GRID2: variants seen among roughly 807,000 people sequenced by gnomAD.
GRID2 encodes the protein glutamate receptor ionotropic, delta-2.
GRID2 carries 33 observed loss-of-function variants against 114.8 expected under a neutral mutation model. That is an observed-to-expected ratio of 0.29 (90% CI 0.22 to 0.38). GRID2 has a LOEUF of 0.38. Among genes scored for constraint, GRID2 ranks in the 10% least tolerant of loss-of-function variants. GRID2 has a pLI of 1.00. For synonymous variants in GRID2, 505 were observed against 449.9 expected (o/e 1.12, Z -1.55); for missense variants, 1,184 against 1,257.7 (o/e 0.94, Z 0.89).
At chr4:93,227,984 G>T (rs2149496459) in intron 7 of GRID2, among the ~76,000 whole-genome samples, 1 of 152,228 alleles carries the variant, frequency 6.6e-6, no homozygotes, top group South Asian at 2.1e-4. Context: ...CACTAGAATT[G>T]TTCTTAAAGC....
chr4:93,285,798 T>A (rs1753093764), intron 8 of GRID2, among the ~76,000 whole-genome samples: 1 of 152,024 alleles, frequency 6.6e-6, no homozygotes, highest in South Asian at 2.1e-4. Flanking sequence ...ATGGTAATAG[T>A]ATAATTATTT....
At chr4:92,656,035 G>A (rs987304488) in intron 2 of GRID2, among the ~76,000 whole-genome samples, 1 of 151,538 alleles carries the variant, frequency 6.6e-6, no homozygotes, top group Admixed American at 6.6e-5. Flanking sequence ...TTTGAGATGT[G>A]GTCCTTCTAT....
chr4:92,874,139 T>G (rs1745466898), intron 2 of GRID2, among the ~76,000 whole-genome samples: 1 of 152,142 alleles, frequency 6.6e-6, no homozygotes, highest in African/African-American at 2.4e-5. Context: ...CCCTCAACCT[T>G]TGAATATCCA....
At chr4:92,595,638 T>C (rs1047373515) in intron 2 of GRID2, among the ~76,000 whole-genome samples, 1 of 152,224 alleles carries the variant, frequency 6.6e-6, no homozygotes, top group Admixed American at 6.6e-5. Flanking sequence ...TAATTTCCAG[T>C]ATATGATTAT....
chr4:92,447,966 A>C (rs1733557817), intron 1 of GRID2, among the ~76,000 whole-genome samples: 1 of 152,194 alleles, frequency 6.6e-6, no homozygotes, highest in South Asian at 2.1e-4. Context: ...GAAGTGCTTT[A>C]AACAAATAAA....
chr4:92,447,893 A>G (rs1229901182), intron 1 of GRID2, among the ~76,000 whole-genome samples: 1 of 152,208 alleles, frequency 6.6e-6, no homozygotes, highest in Non-Finnish European at 1.5e-5. Flanking sequence ...AGAATTTCAA[A>G]GCAGAAATTT....
chr4:93,282,657 T>C (rs1752766783), intron 8 of GRID2, among the ~76,000 whole-genome samples: 1 of 152,032 alleles, frequency 6.6e-6, no homozygotes, highest in Non-Finnish European at 1.5e-5. Context: ...TTCCAACACA[T>C]GAGCTTTTGG....
At chr4:92,585,711 A>T (rs1728402223) in intron 1 of GRID2, among the ~76,000 whole-genome samples, 1 of 151,726 alleles carries the variant, frequency 6.6e-6, no homozygotes, top group Non-Finnish European at 1.5e-5. Context: ...TGAACACATA[A>T]TTTTTTCTCT....
chr4:92,853,274 TA>T (rs1743954521), intron 2 of GRID2, among the ~76,000 whole-genome samples: 1 of 152,020 alleles, frequency 6.6e-6, no homozygotes, highest in African/African-American at 2.4e-5. Flanking sequence ...GAATGTCAAA[TA>T]AATAATTGAT....
intron 2 of GRID2, among the ~76,000 whole-genome samples, chr4:93,009,209 A>G (rs911983363): frequency 1.3e-5 from 2 of 152,144 alleles, no homozygotes; most frequent in South Asian, 4.1e-4. Flanking sequence ...TACTTTCCCT[A>G]CTGCAAGAGA....
chr4:92,400,996 A>C (rs1366004999), intron 1 of GRID2, among the ~76,000 whole-genome samples: 2 of 152,182 alleles, frequency 1.3e-5, no homozygotes, highest in African/African-American at 4.8e-5. Context: ...ATAAGTTGCT[A>C]ATCAAATATG....
chr4:92,661,573 A>G (rs1732520867), intron 2 of GRID2, among the ~76,000 whole-genome samples: 1 of 150,954 alleles, frequency 6.6e-6, no homozygotes, highest in Admixed American at 6.6e-5. Context: ...TGAAATGGGA[A>G]AAGGAATATT....
chr4:92,701,112 G>A (rs1734657409), intron 2 of GRID2, among the ~76,000 whole-genome samples: 1 of 152,276 alleles, frequency 6.6e-6, no homozygotes, highest in East Asian at 1.9e-4. Flanking sequence ...TAACCTTGGG[G>A]AGGTGAATTA....
In GRID2 at chr4:93,490,667, T is replaced by C; in HGVS notation, c.1887T>C (p.Ala629=). The change falls in exon 12 of 16, where the codon GCT becomes GCC. Residue 629 remains alanine (A), a synonymous_variant. Transcript: ENST00000282020. Reference sequence around the variant, plus strand: ...GGGAAGTCCCGTACACGACTCTGGCTACCCGAATGATGATGGGGGCTTGGT... The same window carrying C: ...GGGAAGTCCCGTACACGACTCTGGCCACCCGAATGATGATGGGGGCTTGGT... The part of the protein sequence containing the change: ...QGGEVPYTTL[A]TRMMMGAWWL... The C allele has an allele frequency of 6.2e-7, 1 of 1,611,008 alleles. No individual in the cohort carries two copies. Among genetic ancestry groups the C allele is most frequent in the East Asian group, 2.2e-5 (1 of 44,816 alleles).
intron 8 of GRID2, among the ~76,000 whole-genome samples, chr4:93,313,209 A>G (rs959059359): frequency 3.0e-4 from 46 of 152,282 alleles, no homozygotes; most frequent in African/African-American, 1.1e-3. Context: ...AATGCCTTGT[A>G]TTCTGCAGAT....
rs558725692 is a variant in GRID2 at position 92,776,005 on chromosome 4, C to T, written c.244+185719C>T. 2.9e-4 allele frequency among the ~76,000 whole-genome samples: 44 copies of T among 152,208 alleles called. 1 individual carries two copies. The highest frequency in any genetic ancestry group is 9.4e-4 in the African/African-American group (39 of 41,552). On this transcript the variant is annotated intron_variant, in intron 2 of 15. Transcript: ENST00000282020. ...GAAGATAATTTTAAAAAATTGACCT[C>T]TGACACACTATAGGAAGGCCATATG...
At chr4:92,477,857 A>G (rs1722395351) in intron 1 of GRID2, among the ~76,000 whole-genome samples, 4 of 148,254 alleles carry the variant, frequency 2.7e-5, no homozygotes, top group African/African-American at 9.8e-5. Context: ...ATATATATTC[A>G]CACATAATCA....
intron 13 of GRID2, among the ~76,000 whole-genome samples, chr4:93,601,873 T>A (rs1739720695): frequency 6.6e-6 from 1 of 152,202 alleles, no homozygotes; most frequent in Admixed American, 6.5e-5. Flanking sequence ...ATATTACACC[T>A]TTATTTTCTC....
chr4:93,314,581 T>C (rs934864704), intron 8 of GRID2, among the ~76,000 whole-genome samples: 1 of 152,134 alleles, frequency 6.6e-6, no homozygotes, highest in Admixed American at 6.6e-5. Flanking sequence ...TTTCGTTGTT[T>C]CCTTGAAGTT....
Sources: allele counts gnomAD v4.1 joint callset (sites outside exome capture counted in the v4.1 genomes callset), GRCh38; gene constraint gnomAD v4.1.1; transcripts MANE v1.5; gene names NCBI Gene and HGNC (gene_info 2026-07-23, HGNC 2026-07-21).